The following B4GALNT3 variants were observed in gnomAD, a reference collection of about 807,000 sequenced individuals.
The protein encoded by B4GALNT3 is beta-1,4-N-acetyl-galactosaminyltransferase 3.
In B4GALNT3, 86 loss-of-function variants were observed where a neutral mutation model predicts 120.2. The observed-to-expected ratio is 0.72, with a 90% CI of 0.60 to 0.86. The LOEUF (loss-of-function observed/expected upper bound fraction) is 0.86. B4GALNT3 is among the 40% of genes least tolerant of loss of function. B4GALNT3 has a pLI of 0.00. For synonymous variants in B4GALNT3, 518 were observed against 510.4 expected, an observed-to-expected ratio of 1.01 and a Z score of -0.20; for missense variants, 1,167 against 1,298.9, an observed-to-expected ratio of 0.90 and a Z score of 1.56.
intron 1 of B4GALNT3, among the ~76,000 whole-genome samples, chr12:461,652 A>T (rs1946023818): frequency 6.6e-6 from 1 of 151,562 alleles, no homozygotes; most frequent in Admixed American, 6.5e-5. Context: ...CTGAGAAGAT[A>T]CTCTGACTCT....
chr12:556,373 C>T (rs1565612122), intron 14 of B4GALNT3, among the ~76,000 whole-genome samples, 174 bp from the exon 15 acceptor site: 1 of 152,118 alleles, frequency 6.6e-6, no homozygotes. Flanking sequence ...AAGAGGGAGG[C>T]AGCGAACCCT....
At chr12:503,177 A>C (rs1304573614) in intron 1 of B4GALNT3, among the ~76,000 whole-genome samples, 2 of 152,142 alleles carry the variant, frequency 1.3e-5, no homozygotes, top group Non-Finnish European at 2.9e-5. Context: ...GTTTCCCAGC[A>C]AGGAAATCCT....
chr12:510,307 T>C (rs769978672), intron 1 of B4GALNT3, among the ~76,000 whole-genome samples: 1 of 152,090 alleles, frequency 6.6e-6, no homozygotes, highest in Non-Finnish European at 1.5e-5. Context: ...GCCTGCTGGC[T>C]TTGTAAGCAG....
chr12:481,298 A>G (rs1003776456), intron 1 of B4GALNT3, among the ~76,000 whole-genome samples: 1 of 152,214 alleles, frequency 6.6e-6, no homozygotes, highest in African/African-American at 2.4e-5. Context: ...CTGACCTCAC[A>G]GTGCCGTGGC....
intron 1 of B4GALNT3, among the ~76,000 whole-genome samples, chr12:485,427 G>C (rs976676578): frequency 6.6e-6 from 1 of 152,222 alleles, no homozygotes; most frequent in African/African-American, 2.4e-5. Context: ...CTTGGAGTCT[G>C]ATTCTATGAC....
At chr12:487,393 A>C (rs1378166512) in intron 1 of B4GALNT3, among the ~76,000 whole-genome samples, 1 of 152,182 alleles carries the variant, frequency 6.6e-6, no homozygotes, top group African/African-American at 2.4e-5. Flanking sequence ...GCCAGACCAT[A>C]TTCAAACTAA....
At chr12:531,731 C>T (rs773033110) in intron 1 of B4GALNT3, among the ~76,000 whole-genome samples, 43 of 152,010 alleles carry the variant, frequency 2.8e-4, no homozygotes, top group East Asian at 5.8e-4. Flanking sequence ...TCATATCTTC[C>T]GACTCCCAAA....
intron 1 of B4GALNT3, among the ~76,000 whole-genome samples, chr12:492,118 G>C (rs1946347058): frequency 6.6e-6 from 1 of 151,420 alleles, no homozygotes; most frequent in African/African-American, 2.4e-5. Flanking sequence ...CATTATACTG[G>C]AAGTCCTATC....
At chr12:537,726 C>A (rs1348874268) in intron 3 of B4GALNT3, among the ~76,000 whole-genome samples, 1 of 152,144 alleles carries the variant, frequency 6.6e-6, no homozygotes, top group East Asian at 1.9e-4. Context: ...GTTTAGAACC[C>A]AGCGTCTTTA....
chr12:482,567 A>G (rs1325128531), intron 1 of B4GALNT3, among the ~76,000 whole-genome samples: 2 of 152,202 alleles, frequency 1.3e-5, no homozygotes, highest in Non-Finnish European at 2.9e-5. Context: ...CAATGATGAA[A>G]AAAGTTGTGG....
In B4GALNT3 at chr12:549,763, G is replaced by A. The variant is rs371729713; in HGVS notation, c.854-6G>A. ...GCCTCCTGCTTTCTTTCCTCCCTGC[G>A]CCCAGATGAGACGTTCCTACAGATG... On this transcript the variant is annotated splice_polypyrimidine_tract_variant and splice_region_variant and intron_variant, in intron 9 of 19. Transcript: ENST00000266383. 1.5e-5 allele frequency: 24 copies of A among 1,613,562 alleles called. No individual in the cohort carries two copies. Among genetic ancestry groups the A allele is most frequent in the African/African-American group, 8.0e-5 (6 of 74,926 alleles).
chr12:511,508 C>CACCTTCCACCTTCT (rs1946559974), intron 1 of B4GALNT3, among the ~76,000 whole-genome samples: 2 of 127,374 alleles, frequency 1.6e-5, no homozygotes, highest in African/African-American at 3.3e-5. Context: ...TTCCACCTTC[C>CACCTTCCACCTTCT]ACCTTCTTCC....
At chr12:555,306 A>C (rs1947139527) in intron 14 of B4GALNT3, 1 of 455,878 alleles carries the variant, frequency 2.2e-6, no homozygotes, top group Non-Finnish European at 4.4e-6. Flanking sequence ...GGATTTTCCT[A>C]TTCCGGACAT....
chr12:540,295 C>T (rs1015826455), intron 3 of B4GALNT3, among the ~76,000 whole-genome samples: 8 of 152,180 alleles, frequency 5.3e-5, no homozygotes, highest in African/African-American at 1.4e-4. Flanking sequence ...ACCTCTCTTT[C>T]ATCTTTAAGG....
Position 546,660 on chromosome 12 carries a change from G to A in B4GALNT3, c.654G>A (p.Trp218Ter), listed in dbSNP as rs1318941016. ...CACACCTCTAGACTGGAAAGGAGTG[G>A]ACCGCCCCGGGAGAGTTTGGGAAAT... ...LASVGKTGKE[W>*]TAPGEFGKFR... is the part of the protein sequence containing the mutation. Residue 218 changes from tryptophan (W) to a stop codon, truncating the protein, a stop_gained, in exon 7 of 20, where the codon TGG (tryptophan) becomes TGA (stop). Transcript: ENST00000266383. LOFTEE classifies it high-confidence loss of function. The A allele has an allele frequency of 6.4e-7, 1 of 1,551,518 alleles. No individual in the cohort carries two copies. The highest frequency in any genetic ancestry group is 8.7e-7 in the Non-Finnish European group (1 of 1,146,898).
intron 19 of B4GALNT3, 22 bp from the exon 20 acceptor site, chr12:561,321 A>G: frequency 6.3e-7 from 1 of 1,593,218 alleles, no homozygotes; most frequent in Non-Finnish European, 8.6e-7. Context: ...CTGTTGGCTC[A>G]TCTGTGTTTC....
chr12:552,671 G>T, intron 13 of B4GALNT3, 143 bp downstream of exon 13: 2 of 716,146 alleles, frequency 2.8e-6, no homozygotes, highest in Non-Finnish European at 4.7e-6. Context: ...ACACCCAAGG[G>T]AGTGGAGAGC....
chr12:526,896 T>C (rs1434460906), intron 1 of B4GALNT3, among the ~76,000 whole-genome samples: 1 of 152,114 alleles, frequency 6.6e-6, no homozygotes, highest in African/African-American at 2.4e-5. Context: ...TCTCCTTATC[T>C]GCCCCCTTGG....
chr12:547,311 G>A (rs1056791004), intron 7 of B4GALNT3, among the ~76,000 whole-genome samples: 1 of 152,162 alleles, frequency 6.6e-6, no homozygotes, highest in African/African-American at 2.4e-5. Context: ...AATGGATTGT[G>A]TATTTTCAAA....
Sources: gnomAD v4.1 joint callset for allele counts (sites outside exome capture counted in the v4.1 genomes callset) on GRCh38, gnomAD v4.1.1 for gene constraint, MANE v1.5 for transcripts, NCBI Gene and HGNC (gene_info 2026-07-23, HGNC 2026-07-21) for gene names.